Variants in CA5A observed in about 807,000 individuals in gnomAD.
The protein encoded by CA5A is carbonic anhydrase 5A, also known as carbonic anhydrase 5A, mitochondrial.
CA5A carries 28 observed loss-of-function variants against 37.1 expected under a neutral mutation model. The ratio of observed to expected loss-of-function variants is 0.75; its 90% CI spans 0.56 to 1.03. The LOEUF is 1.03. CA5A is among the 50% of genes least tolerant of loss of function. The probability of loss-of-function intolerance (pLI) is 0.00; values close to 1 mark genes in which losing one functional copy is unlikely to be tolerated. For missense variants in CA5A, 444 were observed against 399.9 expected (o/e 1.11, Z -0.94); for synonymous variants, 171 against 158.4 (o/e 1.08, Z -0.60).
chr16:87,921,741 G>A (rs1285265555), intron 2 of CA5A, among the ~76,000 whole-genome samples: 3 of 152,210 alleles, frequency 2.0e-5, no homozygotes, highest in Admixed American at 6.5e-5. Context: ...ACAAAGCCAC[G>A]GACTGGCGGG....
At chr16:87,919,059 G>C (rs746566950) in intron 2 of CA5A, among the ~76,000 whole-genome samples, 2 of 152,382 alleles carry the variant, frequency 1.3e-5, no homozygotes, top group East Asian at 1.9e-4. Flanking sequence ...AGACACACCG[G>C]ATCCTTCTTT....
At chr16:87,924,384 C>A in intron 2 of CA5A, 1 of 890,934 alleles carries the variant, frequency 1.1e-6, no homozygotes, top group Non-Finnish European at 1.3e-6. Flanking sequence ...GTGGTGTTTG[C>A]GATGCACTGT....
At chr16:87,886,921 G>C (rs2055653048), downstream of CA5A, 1 of 151,884 alleles carries the variant, frequency 6.6e-6, no homozygotes, top group Admixed American at 6.6e-5. Context: ...TATTTATTTT[G>C]AGATGGAGTC....
At chr16:87,895,783 T>A (rs2055792962) in intron 5 of CA5A, among the ~76,000 whole-genome samples, 1 of 152,114 alleles carries the variant, frequency 6.6e-6, no homozygotes, top group South Asian at 2.1e-4. Flanking sequence ...GTGTCTTGTG[T>A]CTCTCACTCA....
At chr16:87,925,635 A>G (rs970507723) in intron 2 of CA5A, 2 of 152,226 alleles carry the variant, frequency 1.3e-5, no homozygotes, top group Non-Finnish European at 2.9e-5. Flanking sequence ...CCTGATAAAA[A>G]TGCAAACATA....
chr16:87,918,407 C>G (rs1355280663), intron 2 of CA5A, among the ~76,000 whole-genome samples: 1 of 151,892 alleles, frequency 6.6e-6, no homozygotes, highest in Non-Finnish European at 1.5e-5. Flanking sequence ...TTTGCTCCCC[C>G]AGCCTTTCCT....
At chr16:87,928,610 C>T (rs1394149249) in intron 1 of CA5A, among the ~76,000 whole-genome samples, 3 of 151,960 alleles carry the variant, frequency 2.0e-5, no homozygotes, top group Admixed American at 6.6e-5. Flanking sequence ...AATGGTGGCA[C>T]GTTTCCATTG....
At chr16:87,883,057 T>A (rs1409844423), downstream of CA5A, 1 of 152,256 alleles carries the variant, frequency 6.6e-6, no homozygotes, top group African/African-American at 2.4e-5. Flanking sequence ...TCTCGCTCTG[T>A]CGCCCAGGCT....
At chr16:87,932,763 C>T (rs2056424665) in intron 1 of CA5A, among the ~76,000 whole-genome samples, 1 of 152,130 alleles carries the variant, frequency 6.6e-6, no homozygotes, top group South Asian at 2.1e-4. Flanking sequence ...GGAAGGAGAC[C>T]CCATCTCCCC....
rs118014098 is a variant in CA5A at position 87,928,266 on chromosome 16, C to T, written c.143-1321G>A. On this transcript the variant is annotated intron_variant, in intron 1 of 6. Coordinates refer to ENST00000649794, the MANE Select transcript of CA5A (RefSeq NM_001739.2). ...GCAGCCTTGAACCCCTAGGCTGAAT[C>T]GATCCTCCCACCTCAGCCTCCTGAG... 6.1e-3 allele frequency among the ~76,000 whole-genome samples: 935 copies of T among 152,302 alleles called. 30 individuals carry two copies. In the East Asian group the frequency reaches 0.069, roughly 11 times the overall value.
intron 2 of CA5A, among the ~76,000 whole-genome samples, chr16:87,917,932 C>A (rs2056177346): frequency 6.6e-6 from 1 of 152,218 alleles, no homozygotes; most frequent in Non-Finnish European, 1.5e-5. Flanking sequence ...GCGTGATGCT[C>A]ACATCGTTTC....
chr16:87,908,656 G>T (rs2056000923), intron 2 of CA5A, among the ~76,000 whole-genome samples: 1 of 152,172 alleles, frequency 6.6e-6, no homozygotes, highest in Non-Finnish European at 1.5e-5. Context: ...GGACCGGAAG[G>T]GACTTGTGAG....
chr16:87,891,697 A>G (rs2055715756), intron 6 of CA5A, 102 bp downstream of exon 6: 2 of 1,050,048 alleles, frequency 1.9e-6, no homozygotes, highest in South Asian at 4.1e-5. Flanking sequence ...GAAAGAATAT[A>G]TATAACTCCA....
intron 2 of CA5A, among the ~76,000 whole-genome samples, chr16:87,920,898 AT>A (rs1333599641): frequency 1.3e-5 from 2 of 151,846 alleles, no homozygotes; most frequent in Non-Finnish European, 2.9e-5. Context: ...GGTTCAAGCG[AT>A]TTTCCTGCCT....
intron 2 of CA5A, among the ~76,000 whole-genome samples, chr16:87,925,000 CGTCA>C (rs1313338247): frequency 7.2e-5 from 11 of 152,200 alleles, no homozygotes; most frequent in Admixed American, 3.3e-4. Flanking sequence ...TCTGTTCATC[CGTCA>C]ATTTGCTGAG....
intron 5 of CA5A, among the ~76,000 whole-genome samples, chr16:87,895,561 A>G (rs181922961): frequency 1.1e-3 from 175 of 152,314 alleles, no homozygotes; most frequent in African/African-American, 3.7e-3. Flanking sequence ...GAAAACAAAA[A>G]ACAAAAAACA....
intron 3 of CA5A, among the ~76,000 whole-genome samples, chr16:87,904,474 C>T (rs1205094289): frequency 6.6e-6 from 1 of 152,246 alleles, no homozygotes; most frequent in Admixed American, 6.5e-5. Flanking sequence ...AAGCACACAG[C>T]TGAGTGAAGT....
chr16:87,891,774 C>T (rs753742881), intron 6 of CA5A, 25 bp downstream of exon 6: 12 of 1,474,766 alleles, frequency 8.1e-6, no homozygotes, highest in South Asian at 7.0e-5. Context: ...GAAGCGCCAT[C>T]GTGCCAGTTA....
chr16:87,920,914 C>T (rs756322749), intron 2 of CA5A, among the ~76,000 whole-genome samples: 1 of 152,208 alleles, frequency 6.6e-6, no homozygotes, highest in Non-Finnish European at 1.5e-5. Context: ...CTGCCTCAGC[C>T]TTCCAAGTAG....
Sources: gnomAD v4.1 joint callset for allele counts (sites outside exome capture counted in the v4.1 genomes callset) on GRCh38, gnomAD v4.1.1 for gene constraint, MANE v1.5 for transcripts, NCBI Gene and HGNC (gene_info 2026-07-23, HGNC 2026-07-21) for gene names.